DYNC2H1: variants seen among roughly 807,000 people sequenced by gnomAD.
DYNC2H1 encodes dynein cytoplasmic 2 heavy chain 1, also known as cytoplasmic dynein 2 heavy chain 1.
In DYNC2H1, 410 loss-of-function variants were observed where a neutral mutation model predicts 570.0. The observed-to-expected ratio is 0.72, with a 90% confidence interval of 0.66 to 0.78. The LOEUF (loss-of-function observed/expected upper bound fraction) is 0.78, where lower values mean the gene tolerates loss of function less well. Among genes scored for constraint, DYNC2H1 ranks in the 30% least tolerant of loss-of-function variants. The pLI is 0.00. For missense variants in DYNC2H1, 4,865 were observed against 5,046.4 expected, an observed-to-expected ratio of 0.96 and a Z score of 1.09; for synonymous variants, 1,688 against 1,677.6, an observed-to-expected ratio of 1.01 and a Z score of -0.15.
chr11:103,119,888 A>G (rs1223951893), intron 6 of DYNC2H1, among the ~76,000 whole-genome samples: 1 of 152,246 alleles, frequency 6.6e-6, no homozygotes, highest in Non-Finnish European at 1.5e-5. Context: ...TCATGAGTTT[A>G]TACTGAGATT....
At chr11:103,386,279 C>CT (rs1252101602) in intron 83 of DYNC2H1, among the ~76,000 whole-genome samples, 1 of 152,002 alleles carries the variant, frequency 6.6e-6, no homozygotes, top group African/African-American at 2.4e-5. Context: ...TGTAGACTTC[C>CT]TTTTTTTGTT....
intron 28 of DYNC2H1, 73 bp from the exon 29 acceptor site, chr11:103,160,857 CTA>C (rs1157280055): frequency 4.4e-5 from 33 of 750,126 alleles, no homozygotes; most frequent in Non-Finnish European, 6.3e-5. Context: ...TATATTAACA[CTA>C]TGTGACACAT....
At chr11:103,267,040 A>G (rs1488649746) in intron 70 of DYNC2H1, among the ~76,000 whole-genome samples, 1 of 151,990 alleles carries the variant, frequency 6.6e-6, no homozygotes, top group Non-Finnish European at 1.5e-5. Context: ...TGCTGCCCCT[A>G]CCACTTCTGT....
At chr11:103,259,269 C>T (rs1865176918) in intron 69 of DYNC2H1, among the ~76,000 whole-genome samples, 1 of 152,138 alleles carries the variant, frequency 6.6e-6, no homozygotes, top group Non-Finnish European at 1.5e-5. Flanking sequence ...GGTTGACAAC[C>T]TACCCTTCCT....
chr11:103,471,310 A>G (rs1945378709), intron 88 of DYNC2H1, among the ~76,000 whole-genome samples: 1 of 152,126 alleles, frequency 6.6e-6, no homozygotes, highest in Non-Finnish European at 1.5e-5. Context: ...TAATCATACT[A>G]CTTTCAGAAT....
intron 83 of DYNC2H1, among the ~76,000 whole-genome samples, chr11:103,399,178 T>C (rs1178762423): frequency 6.9e-6 from 1 of 144,638 alleles, no homozygotes; most frequent in Admixed American, 7.1e-5. Context: ...AGTCTCACTC[T>C]GTCGCCCAGG....
chr11:103,183,687 TAAG>T (rs1861945141), intron 40 of DYNC2H1, among the ~76,000 whole-genome samples: 1 of 151,880 alleles, frequency 6.6e-6, no homozygotes, highest in Non-Finnish European at 1.5e-5. Context: ...ATTCAGCAAA[TAAG>T]AAAATATAGA....
chr11:103,206,392 T>C (rs1862925512), intron 52 of DYNC2H1, among the ~76,000 whole-genome samples: 2 of 152,112 alleles, frequency 1.3e-5, no homozygotes, highest in South Asian at 4.1e-4. Context: ...TTTGGAAATA[T>C]AAGCCTGGAG....
chr11:103,163,289 C>A lies in DYNC2H1; in HGVS notation c.4611+142C>A. The stretch of plus-strand genomic sequence containing the variant: ...CGGACAAATTGCTTAACTTCTGAGT[C>A]TCAGTTCCTTCAGCTGTAAAATGTG... On this transcript the variant is annotated intron_variant, in intron 30 of 88. Transcript: ENST00000375735. This position sits in a 1 kb window ranked among gnomAD's most constrained non-coding sequence, Gnocchi z 4.6. 9.4e-7 allele frequency: 1 copy of A among 1,064,494 alleles called. No individual in the cohort carries two copies. The highest frequency in any genetic ancestry group is 1.3e-6 in the Non-Finnish European group (1 of 783,018). 65.9% of individuals were successfully genotyped at this position (1,064,494 alleles called of 1,614,324 possible). A position where few individuals can be genotyped will look rare whatever the true frequency, so the allele number is the denominator to read the frequency against.
At chr11:103,367,160 T>C (rs1294126156) in intron 83 of DYNC2H1, among the ~76,000 whole-genome samples, 2 of 152,142 alleles carry the variant, frequency 1.3e-5, no homozygotes, top group African/African-American at 4.8e-5. Context: ...TGGCTAAATG[T>C]TATTCAGATA....
intron 65 of DYNC2H1, among the ~76,000 whole-genome samples, chr11:103,251,447 T>C (rs1565432025): frequency 1.3e-5 from 2 of 152,314 alleles, no homozygotes; most frequent in East Asian, 3.9e-4. Context: ...TACAGCATTA[T>C]ATTATGAGAT....
intron 87 of DYNC2H1, among the ~76,000 whole-genome samples, chr11:103,466,170 T>C (rs1945188699): frequency 6.6e-6 from 1 of 151,918 alleles, no homozygotes; most frequent in Non-Finnish European, 1.5e-5. Flanking sequence ...AAAAGTGGAG[T>C]TGGTTACAAA....
chr11:103,310,754 A>C (rs1328454313), intron 78 of DYNC2H1, among the ~76,000 whole-genome samples: 1 of 123,232 alleles, frequency 8.1e-6, no homozygotes, highest in Non-Finnish European at 1.6e-5. Flanking sequence ...TAATCTTTGT[A>C]ATCTTGGCTC....
rs1344580815 is a variant in DYNC2H1, at chr11:103,140,340, C to T, written c.2575-2928C>T. Among the ~76,000 whole-genome samples, 10 of 152,122 alleles carry T rather than the reference C, an allele frequency of 6.6e-5. No individual in the cohort carries two copies. The East Asian group carries it at 1.3e-3, about 21-fold the overall frequency. On this transcript the variant is annotated intron_variant, in intron 17 of 88. Coordinates refer to ENST00000375735, the MANE Select transcript of DYNC2H1 (RefSeq NM_001377.3). ...TTTACATTTTGGCATGATTTTGCAG[C>T]GGCTGGTACCAGTTGTTCCTTTCCA...
intron 59 of DYNC2H1, among the ~76,000 whole-genome samples, chr11:103,229,245 G>C (rs919147902): frequency 2.0e-5 from 3 of 152,180 alleles, no homozygotes; most frequent in Admixed American, 6.5e-5. Context: ...CAAAGGGTCT[G>C]TGGATTCTTT....
At position 103,166,009 on chromosome 11, in the gene DYNC2H1, A is replaced by C. The variant is rs764028665; in HGVS notation, c.4723A>C (p.Thr1575Pro). 23 of 1,534,688 alleles carry C rather than the reference A, an allele frequency of 1.5e-5. No homozygotes were observed. The South Asian group carries it at 2.9e-4, about 19-fold the overall frequency. Residue 1575 changes from threonine to proline, a missense_variant, in exon 31 of 89, where the codon ACT becomes CCT. This residue lies in a region of DYNC2H1 where 1,936 missense variants were observed against 1,962.1 expected (regional missense o/e 0.99). Coordinates refer to ENST00000375735, the MANE Select transcript of DYNC2H1 (RefSeq NM_001377.3). ...ACTGGTGAATAAGTTAGAGCAATAT[A>C]CTAACATTGATACAAGTTCTGAGGA... is the stretch of plus-strand genomic sequence containing the variant. ...TQLVNKLEQY[T>P]NIDTSSEDPG...
chr11:103,109,885 C>A, intron 1 of DYNC2H1, 116 bp downstream of exon 1: 1 of 1,085,014 alleles, frequency 9.2e-7, no homozygotes, highest in Non-Finnish European at 1.3e-6. Context: ...TTTCAGGAAC[C>A]CAAGGCTGTC....
At chr11:103,469,049 A>G (rs1945284904) in intron 88 of DYNC2H1, among the ~76,000 whole-genome samples, 1 of 152,200 alleles carries the variant, frequency 6.6e-6, no homozygotes, top group Non-Finnish European at 1.5e-5. Flanking sequence ...TTTACCTAAA[A>G]TCCTCCTCAG....
chr11:103,212,399 C>T (rs1863192667), intron 54 of DYNC2H1, among the ~76,000 whole-genome samples: 2 of 151,580 alleles, frequency 1.3e-5, no homozygotes, highest in African/African-American at 4.9e-5. Context: ...CACTAAAGAA[C>T]TTATGTAAGC....
Sources: gnomAD v4.1 joint callset for allele counts (sites outside exome capture counted in the v4.1 genomes callset) on GRCh38, gnomAD v4.1.1 for gene constraint, gnomAD v4.1.1 regional missense constraint, Gnocchi (gnomAD v3.1) non-coding constraint, MANE v1.5 for transcripts, NCBI Gene and HGNC (gene_info 2026-07-23, HGNC 2026-07-21) for gene names.